Variants in ATG7 observed in about 807,000 individuals in gnomAD.
ATG7 encodes the protein autophagy related 7, also known as ubiquitin-like modifier-activating enzyme ATG7.
Under a neutral mutation model 82.4 loss-of-function variants are expected in ATG7, and 70 were observed. The observed-to-expected ratio is 0.85, with a 90% CI of 0.70 to 1.04. The LOEUF is 1.04. Ranked by LOEUF, ATG7 falls within the 50% of genes least tolerant of loss-of-function variation. The pLI, the probability that ATG7 is intolerant of heterozygous loss-of-function variation, is 0.00. For synonymous variants in ATG7, 287 were observed against 313.0 expected, an observed-to-expected ratio of 0.92 and a Z score of 0.88; for missense variants, 792 against 864.3, an observed-to-expected ratio of 0.92 and a Z score of 1.05.
chr3:11,315,234 C>A, intron 8 of ATG7, 110 bp from the exon 9 acceptor site: 1 of 977,088 alleles, frequency 1.0e-6, no homozygotes, highest in Non-Finnish European at 1.4e-6. Flanking sequence ...GGAGTGTGAT[C>A]AGTCATTTCT....
At chr3:11,280,583 A>C (rs1478212944) in intron 1 of ATG7, among the ~76,000 whole-genome samples, 1 of 152,186 alleles carries the variant, frequency 6.6e-6, no homozygotes. Flanking sequence ...TGAAATTTCA[A>C]ATCTTGTTAA....
intron 20 of ATG7, among the ~76,000 whole-genome samples, chr3:11,551,170 C>T (rs906399331): frequency 1.3e-5 from 2 of 152,276 alleles, no homozygotes; most frequent in East Asian, 1.9e-4. Flanking sequence ...TCGTGTCCTG[C>T]GGGCCGTCTG....
At chr3:11,356,732 A>G (rs1037238945) in intron 14 of ATG7, among the ~76,000 whole-genome samples, 3 of 152,190 alleles carry the variant, frequency 2.0e-5, no homozygotes, top group African/African-American at 7.2e-5. Flanking sequence ...AGGTATTATT[A>G]TTACTGTAGT....
intron 20 of ATG7, among the ~76,000 whole-genome samples, chr3:11,536,119 A>G (rs1308437908): frequency 2.0e-5 from 3 of 152,162 alleles, no homozygotes; most frequent in Non-Finnish European, 4.4e-5. Flanking sequence ...CTGTTTTCTC[A>G]GGGCTGGTCT....
chr3:11,562,991 G>A, the ATG7 span, among the ~76,000 whole-genome samples: 2 of 152,236 alleles, frequency 1.3e-5, no homozygotes, highest in African/African-American at 4.8e-5. Flanking sequence ...AGGGAGACAG[G>A]GTAAAGAGAG....
At chr3:11,471,686 C>G (rs2087534524) in intron 20 of ATG7, among the ~76,000 whole-genome samples, 1 of 146,938 alleles carries the variant, frequency 6.8e-6, no homozygotes, top group Non-Finnish European at 1.5e-5. Flanking sequence ...CTCACATATT[C>G]CAACTCTTTT....
At chr3:11,507,853 C>T (rs564468968) in intron 20 of ATG7, among the ~76,000 whole-genome samples, 1 of 152,180 alleles carries the variant, frequency 6.6e-6, no homozygotes, top group South Asian at 2.1e-4. Context: ...CTGGCAGTTG[C>T]TCACATCCCA....
chr3:11,309,303 G>C (rs1380672381), intron 7 of ATG7, among the ~76,000 whole-genome samples: 1 of 152,172 alleles, frequency 6.6e-6, no homozygotes, highest in Non-Finnish European at 1.5e-5. Flanking sequence ...ATAACACAGG[G>C]CATGATAAAG....
intron 20 of ATG7, among the ~76,000 whole-genome samples, chr3:11,536,795 C>G (rs1258299780): frequency 6.6e-6 from 1 of 152,156 alleles, no homozygotes; most frequent in Non-Finnish European, 1.5e-5. Flanking sequence ...CTTGCTTAGG[C>G]CACACCCCTC....
At chr3:11,442,816 G>A (rs1456574946) in intron 20 of ATG7, among the ~76,000 whole-genome samples, 1 of 150,186 alleles carries the variant, frequency 6.7e-6, no homozygotes, top group Admixed American at 6.7e-5. Flanking sequence ...AGCTACTTGG[G>A]AGGCTGAGAT....
At chr3:11,547,551 G>GT (rs1346479465) in intron 20 of ATG7, among the ~76,000 whole-genome samples, 1 of 152,186 alleles carries the variant, frequency 6.6e-6, no homozygotes, top group Non-Finnish European at 1.5e-5. Context: ...TGGAATTGTT[G>GT]TACCATATGG....
intron 19 of ATG7, among the ~76,000 whole-genome samples, chr3:11,380,599 T>G (rs543802849): frequency 1.3e-5 from 2 of 152,326 alleles, no homozygotes; most frequent in South Asian, 4.1e-4. Context: ...ATCTCAAAAC[T>G]ACAGTGATGG....
intron 20 of ATG7, among the ~76,000 whole-genome samples, chr3:11,472,289 C>T (rs2153017618): frequency 6.6e-6 from 1 of 152,226 alleles, no homozygotes; most frequent in African/African-American, 2.4e-5. Flanking sequence ...CAGGCTCTTG[C>T]CTCCTGCTAG....
rs566424946 is a variant in ATG7 at position 11,444,066 on chromosome 3, C to T, written c.2079+17140C>T. On this transcript the variant is annotated intron_variant, in intron 20 of 20. Coordinates refer to ENST00000693202, the MANE Select transcript of ATG7 (RefSeq NM_001349232.2). Reference sequence around the variant, plus strand: ...TTTGCCTGACTTTGAATTTTTCAAACAGAATTATGCTATAATATGTAGATT... The same window carrying T: ...TTTGCCTGACTTTGAATTTTTCAAATAGAATTATGCTATAATATGTAGATT... Among the ~76,000 whole-genome samples the T allele has an allele frequency of 2.0e-5, 3 of 152,262 alleles. No homozygotes were observed. In the East Asian group the frequency reaches 5.8e-4, roughly 29 times the overall value.
At chr3:11,515,188 T>A (rs1415573682) in intron 20 of ATG7, among the ~76,000 whole-genome samples, 1 of 152,112 alleles carries the variant, frequency 6.6e-6, no homozygotes, top group Non-Finnish European at 1.5e-5. Flanking sequence ...AAGTTGAATT[T>A]TAGTTTTAAT....
At chr3:11,543,707 C>T (rs1414976762) in intron 20 of ATG7, among the ~76,000 whole-genome samples, 1 of 152,230 alleles carries the variant, frequency 6.6e-6, no homozygotes, top group Admixed American at 6.5e-5. Context: ...GGAGACCAGC[C>T]TGGCCAACAT....
At chr3:11,507,914 C>G (rs1459579428) in intron 20 of ATG7, among the ~76,000 whole-genome samples, 1 of 150,982 alleles carries the variant, frequency 6.6e-6, no homozygotes, top group Non-Finnish European at 1.5e-5. Context: ...CTGGGAAACA[C>G]AGTCTGTAGT....
intron 13 of ATG7, among the ~76,000 whole-genome samples, chr3:11,342,856 AC>A (rs1159886522): frequency 2.6e-5 from 4 of 151,592 alleles, no homozygotes; most frequent in Admixed American, 2.0e-4. Context: ...TAGGAAAAAA[AC>A]CCTGGACATA....
At chr3:11,575,937 G>A in the ATG7 span, among the ~76,000 whole-genome samples, 4 of 152,210 alleles carry the variant, frequency 2.6e-5, no homozygotes, top group African/African-American at 4.8e-5. Context: ...CCAGCAGCGC[G>A]GAGCCCGTCC....
Sources: allele counts gnomAD v4.1 joint callset (sites outside exome capture counted in the v4.1 genomes callset), GRCh38; gene constraint gnomAD v4.1.1; transcripts MANE v1.5; gene names NCBI Gene and HGNC (gene_info 2026-07-23, HGNC 2026-07-21).